PKM: variants seen among roughly 807,000 people sequenced by gnomAD.
The protein encoded by PKM is pyruvate kinase M1/2.
A neutral mutation model predicts 49.8 loss-of-function variants in PKM; 18 were observed. That is an observed-to-expected ratio of 0.36 (90% confidence interval 0.25 to 0.54). The LOEUF (loss-of-function observed/expected upper bound fraction) is 0.54, where lower values mean the gene tolerates loss of function less well. PKM is among the 20% of genes least tolerant of loss of function. PKM has a pLI of 0.89. For synonymous variants in PKM, 239 were observed against 261.8 expected, an observed-to-expected ratio of 0.91 and a Z score of 0.84; for missense variants, 508 against 713.8, an observed-to-expected ratio of 0.71 and a Z score of 3.28.
At chr15:72,205,460 T>C (rs1340839858) in intron 8 of PKM, among the ~76,000 whole-genome samples, 3 of 152,160 alleles carry the variant, frequency 2.0e-5, no homozygotes, top group Non-Finnish European at 4.4e-5. Flanking sequence ...AGGATGCTGA[T>C]GACAGACAGT....
Position 72,199,535 on chromosome 15 carries a change from C to T in PKM, c.*115G>A. 1 of 766,682 alleles carries T rather than the reference C, an allele frequency of 1.3e-6. No homozygotes were observed. The highest frequency in any genetic ancestry group is 2.3e-6 in the Non-Finnish European group (1 of 428,478). 47.5% of individuals were successfully genotyped at this position (766,682 alleles called of 1,614,324 possible). A position where few individuals can be genotyped will look rare whatever the true frequency, so the allele number is the denominator to read the frequency against. On this transcript the variant is annotated 3_prime_UTR_variant, in exon 11 of 11. Coordinates refer to ENST00000335181, the MANE Select transcript of PKM (RefSeq NM_002654.6). ...GCGTTGATCTTCTTCCCTGGTGTCC[C>T]AACCTACCAGTGCCACGTTACAGCC...
At chr15:72,221,887 T>A (rs2082534491) in intron 1 of PKM, among the ~76,000 whole-genome samples, 1 of 143,664 alleles carries the variant, frequency 7.0e-6, no homozygotes, top group African/African-American at 2.6e-5. Context: ...TTCAACGGCT[T>A]AAGAAGGTCA....
chr15:72,211,844 G>A (rs2082261892), intron 3 of PKM, among the ~76,000 whole-genome samples: 1 of 151,278 alleles, frequency 6.6e-6, no homozygotes, highest in Non-Finnish European at 1.5e-5. Flanking sequence ...GAGCCAAGAT[G>A]TCAAAAGAGC....
chr15:72,208,502 G>C, intron 6 of PKM, 119 bp downstream of exon 6: 7 of 1,016,894 alleles, frequency 6.9e-6, no homozygotes, highest in Non-Finnish European at 1.1e-5. Flanking sequence ...AGCAGGTTTG[G>C]AACTGGCTTG....
At chr15:72,209,969 C>T in intron 4 of PKM, 110 bp from the exon 5 acceptor site, 1 of 910,506 alleles carries the variant, frequency 1.1e-6, no homozygotes, top group Admixed American at 1.7e-5. Context: ...CAAGTCACTG[C>T]TAAAAGTAAT....
At chr15:72,231,028 C>T (rs978081975) in intron 1 of PKM, 88 bp downstream of exon 1, 2 of 1,149,866 alleles carry the variant, frequency 1.7e-6, no homozygotes, top group East Asian at 5.9e-5. Context: ...CCTGCGTGCC[C>T]GGGGCCGGCC....
At chr15:72,220,610 T>C (rs185051537) in intron 1 of PKM, among the ~76,000 whole-genome samples, 1 of 152,368 alleles carries the variant, frequency 6.6e-6, no homozygotes, top group Non-Finnish European at 1.5e-5. Context: ...TTTCGATGTG[T>C]ATTTCCTAAG....
chr15:72,216,459 A>C (rs11631216), intron 3 of PKM, among the ~76,000 whole-genome samples: 221 of 152,176 alleles, frequency 1.5e-3, no homozygotes, highest in African/African-American at 3.6e-3. Context: ...CATTTCCCCC[A>C]AAAAAATTTT....
chr15:72,219,552 CTCTGCATGTCAAG>C, intron 1 of PKM: 1 of 157,366 alleles, frequency 6.4e-6, no homozygotes, highest in Admixed American at 6.0e-5. Context: ...AAGCCTAGAT[CTCTGCATGTCAAG>C]CTGTCACAAA....
chr15:72,208,592 G>A (rs776711451), intron 6 of PKM, 29 bp downstream of exon 6: 1 of 1,613,202 alleles, frequency 6.2e-7, no homozygotes, highest in Non-Finnish European at 8.5e-7. Context: ...AGCTGCGCTG[G>A]GACTGGAGCA....
Position 72,217,408 on chromosome 15 carries a change from C to T in PKM, c.246+1G>A. ...GGCCATAGGGTCCAGCCACAGCTCA[C>T]CTCATGAGTTCCATGAGAGAAGTTC... On this transcript the variant is annotated splice_donor_variant, in intron 3 of 10. Transcript: ENST00000335181. LOFTEE classifies it high-confidence loss of function. 3.8e-6 allele frequency: 6 copies of T among 1,581,172 alleles called. No individual in the cohort carries two copies. Among genetic ancestry groups the T allele is most frequent in the Non-Finnish European group, 5.2e-6 (6 of 1,149,904 alleles).
rs1319277983 is a variant in PKM at position 72,206,730 on chromosome 15, GGT to G, written c.1136_1137del (p.His379ProfsTer5). The G allele has an allele frequency of 1.2e-6, 2 of 1,612,824 alleles. No homozygotes were observed. On this transcript the variant is annotated frameshift_variant, in exon 8 of 11. Coordinates refer to ENST00000335181, the MANE Select transcript of PKM (RefSeq NM_002654.6). LOFTEE classifies it high-confidence loss of function. ...DYPLEAVRMQ[H>X]LIAREAEAAI... ...ATGGGGCAGGCCCCAGAACTCACCAGGTGCTGCATGCGCACAGCCTCCAGAGG... is the reference window on the plus strand; with the variant it reads ...ATGGGGCAGGCCCCAGAACTCACCAGGCTGCATGCGCACAGCCTCCAGAGG...
chr15:72,200,558 T>C lies in PKM; in HGVS notation c.1405A>G (p.Ile469Val), dbSNP rs1596714266. 1.2e-6 allele frequency: 2 copies of C among 1,614,012 alleles called. No individual in the cohort carries two copies. The highest frequency in any genetic ancestry group is 2.2e-5 in the East Asian group (1 of 44,862). ...TARQAHLYRG[I>V]FPVLCKDPVQ... ...GGGTCCTTGCACAGCACAGGGAAGA[T>C]GCCACGGTACAGGTGGGCCTGACGA... The change falls in exon 10 of 11, where the codon ATC (isoleucine) becomes GTC (valine). Residue 469 changes from isoleucine (I) to valine (V), a missense_variant. Physicochemically the swap from Ile to Val is conservative, Grantham distance 29 (BLOSUM62 3). Coordinates refer to ENST00000335181, the MANE Select transcript of PKM (RefSeq NM_002654.6). The surrounding 1 kb of genome is among the most constrained non-coding windows in gnomAD (Gnocchi z 4.6).
chr15:72,214,817 A>AATAC (rs1489542682), intron 3 of PKM, among the ~76,000 whole-genome samples: 2 of 151,856 alleles, frequency 1.3e-5, no homozygotes, highest in Admixed American at 6.6e-5. Context: ...TAAATAAATA[A>AATAC]ATAAATCTGG....
chr15:72,206,270 G>C (rs2082076210), intron 8 of PKM: 1 of 192,798 alleles, frequency 5.2e-6, no homozygotes, highest in South Asian at 9.2e-5. Flanking sequence ...GCAGGATGCG[G>C]GGCAGAGGGA....
intron 1 of PKM, among the ~76,000 whole-genome samples, chr15:72,219,945 G>A (rs1248652456): frequency 3.9e-5 from 6 of 152,164 alleles, no homozygotes; most frequent in Non-Finnish European, 8.8e-5. Context: ...TCAGTTCCAG[G>A]TAATTAACTA....
chr15:72,204,976 C>T (rs2082035169), intron 8 of PKM, among the ~76,000 whole-genome samples: 1 of 152,120 alleles, frequency 6.6e-6, no homozygotes, highest in African/African-American at 2.4e-5. Flanking sequence ...ACCATGGTGG[C>T]AATTGTGAGA....
intron 8 of PKM, chr15:72,204,024 G>T (rs2082010493): frequency 6.6e-6 from 1 of 152,220 alleles, no homozygotes; most frequent in African/African-American, 2.4e-5. Context: ...GGTGAGGGAA[G>T]AATCGGTAAT....
chr15:72,228,040 C>CG (rs2082732623), intron 1 of PKM, among the ~76,000 whole-genome samples: 1 of 152,146 alleles, frequency 6.6e-6, no homozygotes, highest in Non-Finnish European at 1.5e-5. Flanking sequence ...ACTGGGGGTA[C>CG]GGTTCTTAAA....
Sources: gnomAD v4.1 joint callset for allele counts (sites outside exome capture counted in the v4.1 genomes callset) on GRCh38, gnomAD v4.1.1 for gene constraint, Gnocchi (gnomAD v3.1) non-coding constraint, MANE v1.5 for transcripts, NCBI Gene and HGNC (gene_info 2026-07-23, HGNC 2026-07-21) for gene names.